The following TSPAN5 variants were observed in gnomAD, a reference collection of about 807,000 sequenced individuals.
TSPAN5 encodes tetraspanin-5.
Under a neutral mutation model 37.1 loss-of-function variants are expected in TSPAN5, and 10 were observed. The ratio of observed to expected loss-of-function variants is 0.27; its 90% CI spans 0.17 to 0.46. TSPAN5 has a LOEUF of 0.46. TSPAN5 is among the 20% of genes least tolerant of loss of function. The pLI is 1.00. For synonymous variants in TSPAN5, 110 were observed against 118.9 expected, an observed-to-expected ratio of 0.93 and a Z score of 0.48; for missense variants, 195 against 326.6, an observed-to-expected ratio of 0.60 and a Z score of 3.11.
At chr4:98,551,138 A>G (rs1307371545) in intron 1 of TSPAN5, among the ~76,000 whole-genome samples, 3 of 148,838 alleles carry the variant, frequency 2.0e-5, no homozygotes, top group African/African-American at 7.8e-5. Flanking sequence ...TGAGACGATC[A>G]TATGTTTTTG....
rs936222413 is a variant in TSPAN5, at chr4:98,658,101, T to C, written c.81+45A>G. 2.0e-6 allele frequency: 3 copies of C among 1,536,864 alleles called. No homozygotes were observed. In the African/African-American group the frequency reaches 4.1e-5, roughly 21 times the overall value. ...ACAACGTGGGGGAAATCGTCGCGAA[T>C]CGATCGGCCACAATAGTTGGAATCC... On this transcript the variant is annotated intron_variant, in intron 1 of 7. Transcript: ENST00000305798.
intron 1 of TSPAN5, among the ~76,000 whole-genome samples, chr4:98,602,102 T>C (rs186964019): frequency 3.9e-5 from 6 of 152,064 alleles, no homozygotes; most frequent in African/African-American, 7.2e-5. Context: ...ATAACAGATA[T>C]AGTAACAATG....
At chr4:98,646,666 T>C (rs1259150904) in intron 1 of TSPAN5, among the ~76,000 whole-genome samples, 1 of 152,202 alleles carries the variant, frequency 6.6e-6, no homozygotes, top group Non-Finnish European at 1.5e-5. Flanking sequence ...CTCATTACAA[T>C]GAAAAGAACA....
chr4:98,616,776 A>AGAG (rs750681965), intron 1 of TSPAN5, among the ~76,000 whole-genome samples: 9 of 152,162 alleles, frequency 5.9e-5, no homozygotes, highest in Non-Finnish European at 1.0e-4. Flanking sequence ...CATTTACGAG[A>AGAG]GAGGGAATTA....
chr4:98,484,718 C>G, intron 3 of TSPAN5: 1 of 386,890 alleles, frequency 2.6e-6, no homozygotes, highest in Non-Finnish European at 5.0e-6. Flanking sequence ...TCCCAGCATT[C>G]TGGGAGGCTG....
At chr4:98,570,117 C>CAATGTTAT in intron 1 of TSPAN5, among the ~76,000 whole-genome samples, 1 of 152,234 alleles carries the variant, frequency 6.6e-6, no homozygotes, top group African/African-American at 2.4e-5. Flanking sequence ...ACAGAAGAAT[C>CAATGTTAT]AATGTTATCC....
At chr4:98,507,874 A>C (rs61610951) in intron 1 of TSPAN5, 146 bp from the exon 2 acceptor site, 132,621 of 591,942 alleles carry the variant, frequency 0.22, 18,309 homozygotes, top group East Asian at 0.5. Context: ...CAGGAAAATA[A>C]ATACCATAAT....
intron 1 of TSPAN5, among the ~76,000 whole-genome samples, chr4:98,599,194 G>A (rs1008886351): frequency 6.6e-6 from 1 of 152,058 alleles, no homozygotes; most frequent in Non-Finnish European, 1.5e-5. Flanking sequence ...AAGCTGGAGT[G>A]CAGTGGCATA....
chr4:98,497,696 G>A (rs1005028795), intron 2 of TSPAN5, among the ~76,000 whole-genome samples: 1 of 103,058 alleles, frequency 9.7e-6, no homozygotes, highest in Non-Finnish European at 1.9e-5. Flanking sequence ...GAGTTGCCAG[G>A]TATTATGTCA....
In TSPAN5 at chr4:98,580,044, G is replaced by A. The variant is rs547675802; in HGVS notation, c.82-72316C>T. On this transcript the variant is annotated intron_variant, in intron 1 of 7. Coordinates refer to ENST00000305798, the MANE Select transcript of TSPAN5 (RefSeq NM_005723.4). ...ACTCAACAGCTTTCTCTTCTTATTA[G>A]TGATTCTCTCCATGTTTTCATCTAG... 5.9e-5 allele frequency among the ~76,000 whole-genome samples: 9 copies of A among 152,216 alleles called. No individual in the cohort carries two copies. The South Asian group carries it at 1.5e-3, about 25-fold the overall frequency.
intron 5 of TSPAN5, among the ~76,000 whole-genome samples, chr4:98,477,339 T>G (rs1752725542): frequency 6.6e-6 from 1 of 152,178 alleles, no homozygotes; most frequent in Non-Finnish European, 1.5e-5. Flanking sequence ...CTTAGTGACT[T>G]TGTCTCCTCT....
At chr4:98,496,702 G>A (rs558175217) in intron 2 of TSPAN5, 5 of 152,184 alleles carry the variant, frequency 3.3e-5, no homozygotes, top group African/African-American at 1.2e-4. Context: ...ACTCTGGTGA[G>A]AGCCACTGCC....
At chr4:98,573,478 C>T (rs964276113) in intron 1 of TSPAN5, among the ~76,000 whole-genome samples, 9 of 152,198 alleles carry the variant, frequency 5.9e-5, no homozygotes, top group African/African-American at 2.2e-4. Context: ...TCAAGTGATC[C>T]TCCCATCTTG....
chr4:98,603,054 A>G (rs1325293409), intron 1 of TSPAN5, among the ~76,000 whole-genome samples: 1 of 152,154 alleles, frequency 6.6e-6, no homozygotes, highest in African/African-American at 2.4e-5. Context: ...CTGTCCCTCA[A>G]TGTTATGCCT....
At chr4:98,613,562 CA>C (rs1163192094) in intron 1 of TSPAN5, among the ~76,000 whole-genome samples, 2 of 152,138 alleles carry the variant, frequency 1.3e-5, no homozygotes, top group Non-Finnish European at 2.9e-5. Flanking sequence ...CACCAAGGTC[CA>C]AAATCCCTTC....
chr4:98,644,386 C>G lies in TSPAN5; in HGVS notation c.81+13760G>C, dbSNP rs149200029. 9.5e-3 allele frequency among the ~76,000 whole-genome samples: 1,446 copies of G among 152,062 alleles called. 12 individuals carry two copies. The highest frequency in any genetic ancestry group is 0.012 in the Non-Finnish European group (845 of 67,998). On this transcript the variant is annotated intron_variant, in intron 1 of 7. Coordinates refer to ENST00000305798, the MANE Select transcript of TSPAN5 (RefSeq NM_005723.4). ...AAGTGTTTGTTCACTGTTCTCGGAG[C>G]ACCTGACGAAGAGTTTCCACTTTTA...
intron 1 of TSPAN5, among the ~76,000 whole-genome samples, chr4:98,587,754 T>C (rs1755528655): frequency 1.3e-5 from 2 of 152,042 alleles, no homozygotes; most frequent in South Asian, 4.2e-4. Flanking sequence ...CTGGGCATGG[T>C]GGTGCGTGCC....
intron 1 of TSPAN5, among the ~76,000 whole-genome samples, chr4:98,599,749 T>A (rs1755842226): frequency 6.6e-6 from 1 of 152,256 alleles, no homozygotes; most frequent in Non-Finnish European, 1.5e-5. Flanking sequence ...CTGTTGTATG[T>A]ATCTGTAAAT....
At chr4:98,602,174 T>C (rs983996680) in intron 1 of TSPAN5, among the ~76,000 whole-genome samples, 2 of 152,052 alleles carry the variant, frequency 1.3e-5, no homozygotes, top group Non-Finnish European at 2.9e-5. Flanking sequence ...AGTGAGCACA[T>C]GCGATTGGAA....
Sources: gnomAD v4.1 joint callset for allele counts (sites outside exome capture counted in the v4.1 genomes callset) on GRCh38, gnomAD v4.1.1 for gene constraint, MANE v1.5 for transcripts, NCBI Gene and HGNC (gene_info 2026-07-23, HGNC 2026-07-21) for gene names.